RBFOX1: variants seen among roughly 807,000 people sequenced by gnomAD.
The protein encoded by RBFOX1 is RNA binding protein fox-1 homolog 1.
RBFOX1 carries 8 observed loss-of-function variants against 57.7 expected under a neutral mutation model. That is an observed-to-expected ratio of 0.14 (90% CI 0.08 to 0.25). The LOEUF is 0.25. Among genes scored for constraint, RBFOX1 ranks in the 10% least tolerant of loss-of-function variants. The pLI is 1.00. For synonymous variants in RBFOX1, 326 were observed against 222.4 expected, an observed-to-expected ratio of 1.47 and a Z score of -4.15; for missense variants, 611 against 548.5, an observed-to-expected ratio of 1.11 and a Z score of -1.14.
At chr16:7,630,437 G>T (rs1356298388) in intron 10 of RBFOX1, among the ~76,000 whole-genome samples, 166 bp from the exon 11 acceptor site, 1 of 151,988 alleles carries the variant, frequency 6.6e-6, no homozygotes, top group African/African-American at 2.4e-5. Context: ...GGCTTCCATT[G>T]ATTCCCTTTG....
chr16:6,722,247 C>T (rs369046311), intron 3 of RBFOX1, among the ~76,000 whole-genome samples: 3 of 152,166 alleles, frequency 2.0e-5, no homozygotes, highest in Admixed American at 6.5e-5. Context: ...GAGGCTAAAC[C>T]GTTTTGCATT....
intron 5 of RBFOX1, among the ~76,000 whole-genome samples, chr16:7,566,886 TC>T (rs899144566): frequency 2.0e-5 from 3 of 151,774 alleles, no homozygotes; most frequent in Non-Finnish European, 2.9e-5. Flanking sequence ...ATGTGTATTT[TC>T]CCCCCAAAAG....
At chr16:7,244,271 A>AAAAAAAAAAAAG in intron 4 of RBFOX1, among the ~76,000 whole-genome samples, 1 of 128,824 alleles carries the variant, frequency 7.8e-6, no homozygotes, top group Non-Finnish European at 1.6e-5. Flanking sequence ...AAAAAAAAAA[A>AAAAAAAAAAAAG]CACCCTTGGG....
intron 4 of RBFOX1, among the ~76,000 whole-genome samples, chr16:5,868,676 G>T (rs1489433952): frequency 3.9e-5 from 6 of 152,196 alleles, no homozygotes; most frequent in African/African-American, 1.4e-4. Flanking sequence ...GTGAGGCAGG[G>T]ATTTGGGAAG....
chr16:7,095,935 C>T (rs1364896270), intron 4 of RBFOX1, among the ~76,000 whole-genome samples: 2 of 150,192 alleles, frequency 1.3e-5, no homozygotes, highest in African/African-American at 2.5e-5. Flanking sequence ...ATGGCATGAA[C>T]CCAGGAGGCG....
At chr16:7,510,440 G>A in intron 4 of RBFOX1, 1 of 733,594 alleles carries the variant, frequency 1.4e-6, no homozygotes, top group Non-Finnish European at 1.7e-6. Flanking sequence ...CATGCCCGGG[G>A]AAAGGAGAGG....
intron 4 of RBFOX1, among the ~76,000 whole-genome samples, chr16:7,161,975 A>T (rs755867699): frequency 6.6e-6 from 1 of 152,200 alleles, no homozygotes; most frequent in Non-Finnish European, 1.5e-5. Flanking sequence ...CACTAAAAAC[A>T]TATTTGTTCC....
chr16:7,161,165 G>T (rs961730945), intron 4 of RBFOX1, among the ~76,000 whole-genome samples: 1 of 152,196 alleles, frequency 6.6e-6, no homozygotes, highest in South Asian at 2.1e-4. Flanking sequence ...CTATCTCTGG[G>T]TGATTGGAAG....
chr16:6,637,437 A>T (rs1602267078), intron 2 of RBFOX1, among the ~76,000 whole-genome samples: 2 of 14,568 alleles, frequency 1.4e-4, no homozygotes, highest in South Asian at 5.8e-3. Flanking sequence ...ATATTATATA[A>T]ATATATGTAA....
At chr16:6,898,825 A>C (rs1161784315) in intron 3 of RBFOX1, among the ~76,000 whole-genome samples, 1 of 151,330 alleles carries the variant, frequency 6.6e-6, no homozygotes, top group Non-Finnish European at 1.5e-5. Context: ...TGTATAATAC[A>C]TGTGTGTATG....
In RBFOX1 at chr16:6,796,542, G is replaced by T. The variant is rs2084097351; in HGVS notation, c.-16+141892G>T. Among the ~76,000 whole-genome samples the T allele has an allele frequency of 2.0e-5, 3 of 152,122 alleles. No homozygotes were observed. In the South Asian group the frequency reaches 6.2e-4, roughly 32 times the overall value. Reference sequence around the variant, plus strand: ...AAATAACAGAATAGATGTTGTCTATGAATTCACTGCTTAATATTTCATTTA... The same window carrying T: ...AAATAACAGAATAGATGTTGTCTATTAATTCACTGCTTAATATTTCATTTA... On this transcript the variant is annotated intron_variant, in intron 3 of 15. Coordinates refer to ENST00000550418, the MANE Select transcript of RBFOX1 (RefSeq NM_018723.4).
At chr16:7,563,690 C>G (rs8051894) in intron 5 of RBFOX1, among the ~76,000 whole-genome samples, 132,934 of 152,000 alleles carry the variant, frequency 0.87, 59,210 homozygotes, top group Non-Finnish European at 0.97. Context: ...GACTGGTCTC[C>G]AACTCCTGAC....
In RBFOX1 at chr16:6,157,200, C is replaced by G. The variant is rs550289449; in HGVS notation, c.-127+137208C>G. Reference sequence around the variant, plus strand: ...TTTTATGATTTGATTTATTTATATTCCCTTTAAAGTGTACAAATAAAAGAG... The same window carrying G: ...TTTTATGATTTGATTTATTTATATTGCCTTTAAAGTGTACAAATAAAAGAG... On this transcript the variant is annotated intron_variant, in intron 1 of 15. Coordinates refer to ENST00000550418, the MANE Select transcript of RBFOX1 (RefSeq NM_018723.4). Among the ~76,000 whole-genome samples the G allele has an allele frequency of 3.9e-5, 6 of 151,904 alleles. No homozygotes were observed. In the East Asian group the frequency reaches 1.2e-3, roughly 29 times the overall value.
chr16:6,328,205 A>T (rs958379439), intron 2 of RBFOX1, among the ~76,000 whole-genome samples: 1 of 152,126 alleles, frequency 6.6e-6, no homozygotes, highest in Non-Finnish European at 1.5e-5. Flanking sequence ...GTATGTTCTG[A>T]CTCATAAGTG....
At chr16:6,717,397 C>G (rs1010938544) in intron 3 of RBFOX1, among the ~76,000 whole-genome samples, 1 of 152,114 alleles carries the variant, frequency 6.6e-6, no homozygotes, top group African/African-American at 2.4e-5. Flanking sequence ...CCTACAGAGT[C>G]TTTTCTACTA....
chr16:7,332,255 G>T (rs114573491), intron 4 of RBFOX1, among the ~76,000 whole-genome samples: 1 of 152,184 alleles, frequency 6.6e-6, no homozygotes, highest in Non-Finnish European at 1.5e-5. Context: ...ATATGGGACT[G>T]ATAATAGTAC....
At chr16:6,974,693 A>G (rs1486324219) in intron 3 of RBFOX1, among the ~76,000 whole-genome samples, 2 of 152,082 alleles carry the variant, frequency 1.3e-5, no homozygotes, top group Admixed American at 6.6e-5. Context: ...TCAGGAGGGT[A>G]GTAACATTTA....
At chr16:5,660,803 A>G (rs1010893284) in intron 3 of RBFOX1, among the ~76,000 whole-genome samples, 1 of 152,126 alleles carries the variant, frequency 6.6e-6, no homozygotes, top group African/African-American at 2.4e-5. Context: ...GGAGTGGTGA[A>G]TGAGGGCGAA....
chr16:7,550,538 C>G lies in RBFOX1; in HGVS notation c.271-29239C>G, dbSNP rs1488642654. On this transcript the variant is annotated intron_variant, in intron 5 of 15. Coordinates refer to ENST00000550418, the MANE Select transcript of RBFOX1 (RefSeq NM_018723.4). ...ACCAAATTATTAAATTATCACTCTA[C>G]AGGGCATCTTATATTAGTCCTAATT... Among the ~76,000 whole-genome samples, 4 of 152,314 alleles carry G rather than the reference C, an allele frequency of 2.6e-5. No homozygotes were observed. The East Asian group carries it at 7.7e-4, about 29-fold the overall frequency.
Sources: gnomAD v4.1 joint callset for allele counts (sites outside exome capture counted in the v4.1 genomes callset) on GRCh38, gnomAD v4.1.1 for gene constraint, MANE v1.5 for transcripts, NCBI Gene and HGNC (gene_info 2026-07-23, HGNC 2026-07-21) for gene names.